The following MACROD2 variants were observed in gnomAD, a reference collection of about 807,000 sequenced individuals.
The protein encoded by MACROD2 is mono-ADP ribosylhydrolase 2.
Under a neutral mutation model 70.4 loss-of-function variants are expected in MACROD2, and 36 were observed. The ratio of observed to expected loss-of-function variants is 0.51; its 90% CI spans 0.39 to 0.68. The LOEUF (loss-of-function observed/expected upper bound fraction) is 0.68. Among genes scored for constraint, MACROD2 ranks in the 30% least tolerant of loss-of-function variants. The probability of loss-of-function intolerance (pLI) is 0.00; values close to 1 mark genes in which losing one functional copy is unlikely to be tolerated. For synonymous variants in MACROD2, 172 were observed against 178.8 expected, an observed-to-expected ratio of 0.96 and a Z score of 0.30; for missense variants, 496 against 538.4, an observed-to-expected ratio of 0.92 and a Z score of 0.78.
chr20:14,729,005 A>G (rs1049038824), intron 5 of MACROD2, among the ~76,000 whole-genome samples: 1 of 152,168 alleles, frequency 6.6e-6, no homozygotes, highest in African/African-American at 2.4e-5. Context: ...TACATCTTCC[A>G]ATTAGATAAA....
At chr20:16,041,464 C>T (rs1028590135) in intron 16 of MACROD2, among the ~76,000 whole-genome samples, 186 bp downstream of exon 16, 4 of 151,808 alleles carry the variant, frequency 2.6e-5, no homozygotes, top group African/African-American at 9.7e-5. Flanking sequence ...AAAAAAAAAC[C>T]TGTTTCTAGC....
intron 4 of MACROD2, among the ~76,000 whole-genome samples, chr20:14,620,582 T>C (rs1327310101): frequency 6.6e-6 from 1 of 152,112 alleles, no homozygotes; most frequent in African/African-American, 2.4e-5. Flanking sequence ...AAAAATTACG[T>C]AGGCTCCTTT....
intron 8 of MACROD2, among the ~76,000 whole-genome samples, chr20:15,678,382 C>G (rs186669797): frequency 9.4e-5 from 14 of 149,188 alleles, no homozygotes; most frequent in South Asian, 4.3e-4. Context: ...TTTTTTGAGA[C>G]GGAGTCTCGC....
At chr20:15,276,473 T>G (rs2077394323) in intron 6 of MACROD2, among the ~76,000 whole-genome samples, 1 of 151,952 alleles carries the variant, frequency 6.6e-6, no homozygotes, top group South Asian at 2.1e-4. Context: ...ATTTGAAAAC[T>G]TTTACAAAAT....
intron 3 of MACROD2, among the ~76,000 whole-genome samples, chr20:14,109,249 A>G (rs1415645661): frequency 1.3e-5 from 2 of 151,942 alleles, no homozygotes; most frequent in Admixed American, 1.3e-4. Context: ...ACCAAAACCT[A>G]TGGGGTATAA....
chr20:14,039,803 C>T (rs1601145381), intron 2 of MACROD2, among the ~76,000 whole-genome samples: 1 of 135,384 alleles, frequency 7.4e-6, no homozygotes. Context: ...AATTTGCCAT[C>T]TGTTTTTTTT....
At chr20:14,256,732 C>A (rs552176949) in intron 3 of MACROD2, among the ~76,000 whole-genome samples, 1 of 152,094 alleles carries the variant, frequency 6.6e-6, no homozygotes, top group Admixed American at 6.6e-5. Flanking sequence ...TCATTTTTAT[C>A]CCGTTTAAGC....
intron 5 of MACROD2, among the ~76,000 whole-genome samples, chr20:15,185,752 C>G (rs555980810): frequency 6.6e-6 from 1 of 152,162 alleles, no homozygotes; most frequent in Non-Finnish European, 1.5e-5. Flanking sequence ...GAACCAGAGG[C>G]CATCCTCCTG....
chr20:13,996,174 A>G (rs1324932483), intron 1 of MACROD2: 5 of 259,258 alleles, frequency 1.9e-5, no homozygotes, highest in Non-Finnish European at 3.6e-5. Flanking sequence ...GGACTTGGGC[A>G]CTGCCGGCCT....
At chr20:15,006,091 A>T (rs1054380933) in intron 5 of MACROD2, among the ~76,000 whole-genome samples, 2 of 151,690 alleles carry the variant, frequency 1.3e-5, no homozygotes, top group African/African-American at 4.8e-5. Flanking sequence ...TACAGAAGTT[A>T]TCTCCAGGAC....
chr20:15,445,075 C>G (rs2046544882), intron 7 of MACROD2, among the ~76,000 whole-genome samples: 1 of 152,178 alleles, frequency 6.6e-6, no homozygotes, highest in Non-Finnish European at 1.5e-5. Context: ...CGCTTAGATT[C>G]TAGAACTCTG....
At chr20:14,566,736 A>G (rs1422953934) in intron 4 of MACROD2, 1 of 151,958 alleles carries the variant, frequency 6.6e-6, no homozygotes, top group Non-Finnish European at 1.5e-5. Context: ...CTCATGATGT[A>G]ACATACGAAA....
rs528931552 is a variant in MACROD2 at position 15,919,745 on chromosome 20, AG to A, written c.776-13528del. On this transcript the variant is annotated intron_variant, in intron 10 of 17. Transcript: ENST00000684519. ...ACGAGACTCCATTTGAAAAAGAAGA[AG>A]GGAAAAAAAAGGAATGTGATTATCA... 4.3e-3 allele frequency among the ~76,000 whole-genome samples: 649 copies of A among 152,210 alleles called. 4 individuals carry two copies. The highest frequency in any genetic ancestry group is 0.015 in the African/African-American group (603 of 41,534).
At chr20:15,100,284 G>A (rs942260785) in intron 5 of MACROD2, among the ~76,000 whole-genome samples, 7 of 151,690 alleles carry the variant, frequency 4.6e-5, no homozygotes, top group African/African-American at 1.7e-4. Flanking sequence ...GATTTGTTGA[G>A]GTATTAAATG....
chr20:14,993,959 T>G (rs1406835656), intron 5 of MACROD2, among the ~76,000 whole-genome samples: 3 of 152,184 alleles, frequency 2.0e-5, no homozygotes. Context: ...TTTCAAAGTT[T>G]AATTGCACAC....
chr20:14,926,454 G>A (rs2074233219), intron 5 of MACROD2, among the ~76,000 whole-genome samples: 1 of 151,914 alleles, frequency 6.6e-6, no homozygotes, highest in Non-Finnish European at 1.5e-5. Flanking sequence ...GGAGACTGAG[G>A]CAGGAGAATC....
chr20:14,007,797 A>G (rs901354606), intron 2 of MACROD2, among the ~76,000 whole-genome samples: 3 of 152,198 alleles, frequency 2.0e-5, no homozygotes, highest in Admixed American at 6.5e-5. Context: ...GGCTTATGCT[A>G]ATTTTCTCTG....
At chr20:15,602,665 A>G (rs2048838234) in intron 8 of MACROD2, among the ~76,000 whole-genome samples, 1 of 152,212 alleles carries the variant, frequency 6.6e-6, no homozygotes, top group Non-Finnish European at 1.5e-5. Context: ...TTATCCAGAA[A>G]ACAGAAGCCT....
intron 12 of MACROD2, among the ~76,000 whole-genome samples, chr20:15,963,575 T>C (rs915227846): frequency 3.3e-5 from 5 of 152,190 alleles, no homozygotes; most frequent in African/African-American, 1.2e-4. Context: ...AGATTTGCCA[T>C]CACTGATTAA....
Sources: allele counts gnomAD v4.1 joint callset (sites outside exome capture counted in the v4.1 genomes callset), GRCh38; gene constraint gnomAD v4.1.1; transcripts MANE v1.5; gene names NCBI Gene and HGNC (gene_info 2026-07-23, HGNC 2026-07-21).